The following LPIN1 variants were observed in gnomAD, a reference collection of about 807,000 sequenced individuals.
The protein encoded by LPIN1 is lipin 1, also known as phosphatidate phosphatase LPIN1.
Under a neutral mutation model 107.5 loss-of-function variants are expected in LPIN1, and 71 were observed. The ratio of observed to expected loss-of-function variants is 0.66; its 90% CI spans 0.55 to 0.80. The LOEUF (loss-of-function observed/expected upper bound fraction) is 0.80, where lower values mean the gene tolerates loss of function less well. Among genes scored for constraint, LPIN1 ranks in the 30% least tolerant of loss-of-function variants. The probability of loss-of-function intolerance (pLI) is 0.00; values close to 1 mark genes in which losing one functional copy is unlikely to be tolerated. For missense variants in LPIN1, 1,043 were observed against 1,160.6 expected (o/e 0.90, Z 1.47); for synonymous variants, 445 against 452.6 (o/e 0.98, Z 0.21).
In LPIN1 at chr2:11,776,099, T is replaced by G. The variant is rs944247446; in HGVS notation, c.736T>G (p.Cys246Gly). The change falls in exon 6 of 21, where the codon TGC becomes GGC. Residue 246 changes from cysteine to glycine, a missense_variant. By Grantham distance (159) the Cys-to-Gly change is radical. Transcript: ENST00000674199. ...WSPTPSSLVDCKRTAPHLAVA... is the reference protein window; with the variant it reads ...WSPTPSSLVDGKRTAPHLAVA... ...GGTGGTATCCAGTAGCCTGGTAGAT[T>G]GCAAAAGGACTGCCCCTCATCTTGC... The G allele has an allele frequency of 5.8e-6, 9 of 1,546,854 alleles. No homozygotes were observed. The highest frequency in any genetic ancestry group is 3.3e-4 in the Middle Eastern group (2 of 5,988).
At chr2:11,818,808 A>G (rs1681033346) in intron 18 of LPIN1, 1 of 152,046 alleles carries the variant, frequency 6.6e-6, no homozygotes, top group African/African-American at 2.4e-5. Context: ...TGGAGTTCTC[A>G]TCTGGATTAG....
At chr2:11,752,493 G>A (rs1667971210) in intron 1 of LPIN1, among the ~76,000 whole-genome samples, 2 of 134,402 alleles carry the variant, frequency 1.5e-5, no homozygotes, top group African/African-American at 6.4e-5. Context: ...GTGCAGTGGC[G>A]GGATCTCGGC....
chr2:11,819,454 ATGTTAATC>A, intron 18 of LPIN1, 22 bp from the exon 19 acceptor site: 1 of 1,360,614 alleles, frequency 7.3e-7, no homozygotes, highest in Non-Finnish European at 1.1e-6. Context: ...TTAGCCTCTC[ATGTTAATC>A]TGTTATTTAT....
intron 1 of LPIN1, among the ~76,000 whole-genome samples, chr2:11,751,252 C>T (rs1386073682): frequency 6.6e-6 from 1 of 151,232 alleles, no homozygotes; most frequent in Admixed American, 6.6e-5. Flanking sequence ...AGGAGTACCC[C>T]TGTCCAGCAC....
intron 1 of LPIN1, among the ~76,000 whole-genome samples, chr2:11,730,629 C>T (rs1271374260): frequency 6.6e-6 from 1 of 152,028 alleles, no homozygotes; most frequent in African/African-American, 2.4e-5. Context: ...ATTTTTTCTT[C>T]CCTCTGGAAA....
intron 17 of LPIN1, among the ~76,000 whole-genome samples, chr2:11,809,459 CAGGCTGG>C (rs1679282938): frequency 6.6e-6 from 1 of 152,076 alleles, no homozygotes; most frequent in South Asian, 2.1e-4. Flanking sequence ...TCTTGTTGTC[CAGGCTGG>C]AGTGCAATGG....
At chr2:11,791,611 A>T (rs1332740597) in intron 12 of LPIN1, 4 of 1,222,506 alleles carry the variant, frequency 3.3e-6, no homozygotes, top group Non-Finnish European at 4.2e-6. Context: ...TTCCAGTCTT[A>T]CTAATCACTA....
chr2:11,732,168 T>C (rs182725648), intron 1 of LPIN1, among the ~76,000 whole-genome samples: 196 of 152,364 alleles, frequency 1.3e-3, no homozygotes, highest in African/African-American at 4.2e-3. Flanking sequence ...TCTTGCAATA[T>C]GTGCAACAAC....
intron 5 of LPIN1, among the ~76,000 whole-genome samples, 178 bp from the exon 6 acceptor site, chr2:11,775,903 GTATAT>G (rs1265923235): frequency 6.9e-6 from 1 of 145,758 alleles, no homozygotes; most frequent in African/African-American, 2.5e-5. Context: ...TTTATATAAA[GTATAT>G]TATATATACT....
chr2:11,695,345 C>A (rs7583991), intron 1 of LPIN1, among the ~76,000 whole-genome samples: 19,868 of 152,176 alleles, frequency 0.13, 3,844 homozygotes, highest in African/African-American at 0.43. Flanking sequence ...CCATGGTCGG[C>A]AGCTTCATTG....
intron 1 of LPIN1, among the ~76,000 whole-genome samples, chr2:11,732,434 A>G (rs559900464): frequency 1.3e-5 from 2 of 152,346 alleles, no homozygotes; most frequent in South Asian, 4.1e-4. Flanking sequence ...TCAGGGACTG[A>G]CAGACAGACC....
chr2:11,749,736 CTGAGAGGTTGGGA>C (rs1399424269), intron 1 of LPIN1, among the ~76,000 whole-genome samples: 1 of 152,206 alleles, frequency 6.6e-6, no homozygotes, highest in Non-Finnish European at 1.5e-5. Context: ...CCACTCCCAG[CTGAGAGGTTGGGA>C]GGAACCAGAT....
intron 1 of LPIN1, among the ~76,000 whole-genome samples, chr2:11,692,425 A>C (rs895199833): frequency 1.3e-5 from 2 of 152,242 alleles, no homozygotes; most frequent in African/African-American, 4.8e-5. Flanking sequence ...AGTGGTTCCC[A>C]AATACTAGAA....
chr2:11,810,836 C>T (rs1355221512), intron 17 of LPIN1, among the ~76,000 whole-genome samples: 2 of 152,160 alleles, frequency 1.3e-5, no homozygotes, highest in Admixed American at 1.3e-4. Context: ...GCAAAATGCT[C>T]CCGAAGGTAA....
At position 11,773,763 on chromosome 2, in the gene LPIN1, C is replaced by G. The variant is rs1436875386; in HGVS notation, c.722+18C>G. ...ACTCCCAGGTAAGCTGTTCCCTGTTCCCCTGGCCCAGTGCAGAGGCTTAGA... is the reference window on the plus strand; with the variant it reads ...ACTCCCAGGTAAGCTGTTCCCTGTTGCCCTGGCCCAGTGCAGAGGCTTAGA... On this transcript the variant is annotated intron_variant, in intron 5 of 20. Transcript: ENST00000674199. 26 of 1,613,578 alleles carry G rather than the reference C, an allele frequency of 1.6e-5. No individual in the cohort carries two copies. The highest frequency in any genetic ancestry group is 2.2e-5 in the Non-Finnish European group (26 of 1,179,712).
chr2:11,692,840 G>T (rs1404195889), intron 1 of LPIN1, among the ~76,000 whole-genome samples: 1 of 152,162 alleles, frequency 6.6e-6, no homozygotes, highest in East Asian at 1.9e-4. Context: ...CAGATATCAG[G>T]CCTATCCTCT....
At chr2:11,733,579 C>A (rs1665489494) in intron 1 of LPIN1, among the ~76,000 whole-genome samples, 1 of 151,896 alleles carries the variant, frequency 6.6e-6, no homozygotes, top group Non-Finnish European at 1.5e-5. Context: ...GCAACCTCCA[C>A]CTCCTGGGTT....
intron 14 of LPIN1, 83 bp downstream of exon 14, chr2:11,795,570 G>C (rs981216510): frequency 8.1e-6 from 10 of 1,228,410 alleles, no homozygotes; most frequent in Non-Finnish European, 1.2e-5. Context: ...TGCAGATAGG[G>C]TTCACCACAC....
intron 1 of LPIN1, among the ~76,000 whole-genome samples, chr2:11,685,326 C>T (rs918031158): frequency 1.3e-5 from 2 of 152,118 alleles, no homozygotes; most frequent in African/African-American, 4.8e-5. Context: ...CACAGGCCAG[C>T]ATGGAGGCAT....
Sources: allele counts gnomAD v4.1 joint callset (sites outside exome capture counted in the v4.1 genomes callset), GRCh38; gene constraint gnomAD v4.1.1; transcripts MANE v1.5; gene names NCBI Gene and HGNC (gene_info 2026-07-23, HGNC 2026-07-21).